The following ATP2B4 variants were observed in gnomAD, a reference collection of about 807,000 sequenced individuals.
ATP2B4 encodes the protein ATPase plasma membrane Ca2+ transporting 4, also known as plasma membrane calcium-transporting ATPase 4.
In ATP2B4, 39 loss-of-function variants were observed where a neutral mutation model predicts 110.3. The ratio of observed to expected loss-of-function variants is 0.35; its 90% CI spans 0.27 to 0.46. The LOEUF (loss-of-function observed/expected upper bound fraction) is 0.46. Among genes scored for constraint, ATP2B4 ranks in the 20% least tolerant of loss-of-function variants. The pLI is 1.00. For synonymous variants in ATP2B4, 538 were observed against 571.7 expected (o/e 0.94, Z 0.84); for missense variants, 1,135 against 1,530.9 (o/e 0.74, Z 4.32).
intron 20 of ATP2B4, chr1:203,733,106 T>C: frequency 2.1e-6 from 2 of 963,684 alleles, no homozygotes; most frequent in East Asian, 5.2e-5. Flanking sequence ...CCTGTCCCCT[T>C]TTCCCATCTA....
chr1:203,630,910 G>T (rs1386087838), intron 1 of ATP2B4, among the ~76,000 whole-genome samples: 3 of 152,234 alleles, frequency 2.0e-5, no homozygotes, highest in Non-Finnish European at 4.4e-5. Context: ...TGCTTGTGTG[G>T]AATGTTTTGC....
At chr1:203,638,632 C>T (rs1397857729) in intron 1 of ATP2B4, among the ~76,000 whole-genome samples, 1 of 152,104 alleles carries the variant, frequency 6.6e-6, no homozygotes. Context: ...GGGGTACAGC[C>T]TAGTTCTCCC....
At chr1:203,643,494 C>G (rs1663693906) in intron 1 of ATP2B4, among the ~76,000 whole-genome samples, 1 of 152,220 alleles carries the variant, frequency 6.6e-6, no homozygotes, top group African/African-American at 2.4e-5. Flanking sequence ...CTGCTTTTCC[C>G]AGCACACACC....
chr1:203,700,845 G>C lies in ATP2B4; in HGVS notation c.823G>C (p.Gly275Arg). 1 of 1,613,444 alleles carries C rather than the reference G, an allele frequency of 6.2e-7. No individual in the cohort carries two copies. The highest frequency in any genetic ancestry group is 8.5e-7 in the Non-Finnish European group (1 of 1,179,736). Residue 275 changes from glycine (G) to arginine (R), a missense_variant, in exon 6 of 21, where the codon GGT becomes CGT. Coordinates refer to ENST00000357681, the MANE Select transcript of ATP2B4 (RefSeq NM_001684.5). ...TGGCCGGATGGTGGTGACAGCTGTT[G>C]GTGTCAACTCTCAGACTGGAATCAT... ...GSGRMVVTAV[G>R]VNSQTGIILT... is the part of the protein sequence containing the mutation.
intron 2 of ATP2B4, among the ~76,000 whole-genome samples, chr1:203,688,003 T>G (rs1365157421): frequency 0.026 from 3,574 of 137,638 alleles, 57 homozygotes; most frequent in African/African-American, 0.04. Context: ...AGATTATTAT[T>G]ATTATTATTA....
rs1323354370 is a variant in ATP2B4, at chr1:203,715,842, T to C, written c.2406+1565T>C. On this transcript the variant is annotated intron_variant, in intron 15 of 20. Transcript: ENST00000357681. ...TACATCTGTTAAGTCTCTTAACCTA[T>C]CTCTTGGAGTGCGCCTCCTTCCAGC... Among the ~76,000 whole-genome samples, 2 of 144,348 alleles carry C rather than the reference T, an allele frequency of 1.4e-5. 1 individual carries two copies. Among genetic ancestry groups the C allele is most frequent in the African/African-American group, 5.1e-5 (2 of 39,462 alleles). The allele number at this position is 144,348 out of a possible 152,430, so 94.7% of individuals were successfully genotyped here. A position where few individuals can be genotyped will look rare whatever the true frequency, so the allele number is the denominator to read the frequency against.
At chr1:203,656,972 C>A in intron 1 of ATP2B4, 1 of 708,878 alleles carries the variant, frequency 1.4e-6, no homozygotes. Context: ...TGCTGTCAAA[C>A]CAGTAAGACT....
chr1:203,644,677 A>G (rs183866833), intron 1 of ATP2B4, among the ~76,000 whole-genome samples: 250 of 152,288 alleles, frequency 1.6e-3, no homozygotes, highest in Admixed American at 4.0e-3. Context: ...TAAAAGTAAG[A>G]TCTCACTGCT....
At chr1:203,720,416 G>A (rs1034339676) in intron 15 of ATP2B4, 133 bp from the exon 16 acceptor site, 1 of 845,202 alleles carries the variant, frequency 1.2e-6, no homozygotes, top group Non-Finnish European at 1.7e-6. Context: ...TGACACATTT[G>A]CTCTTTGTTT....
At chr1:203,727,365 C>G (rs16852224) in intron 19 of ATP2B4, 30 bp from the exon 20 acceptor site, 1 of 1,610,898 alleles carries the variant, frequency 6.2e-7, no homozygotes. Flanking sequence ...CTGATTCTGA[C>G]GTCTTCCTCT....
At chr1:203,646,502 G>A (rs371289609) in intron 1 of ATP2B4, among the ~76,000 whole-genome samples, 19 of 152,260 alleles carry the variant, frequency 1.2e-4, no homozygotes, top group East Asian at 5.8e-4. Flanking sequence ...AGTGGCTCAC[G>A]CCTGTAATCC....
In ATP2B4 at chr1:203,710,926, A is replaced by G; in HGVS notation, c.1849A>G (p.Lys617Glu). 1.2e-6 allele frequency: 2 copies of G among 1,614,164 alleles called. No individual in the cohort carries two copies. The highest frequency in any genetic ancestry group is 2.2e-5 in the South Asian group (2 of 91,072). The part of the protein sequence containing the change: ...RKGEAVPFKN[K>E]DRDDMVRTVI... ...AGGGGAAGCAGTGCCATTCAAGAAT[A>G]AAGACAGAGATGATATGGTACGCAC... Residue 617 changes from lysine to glutamate, a missense_variant, in exon 12 of 21, where the codon AAA (lysine) becomes GAA (glutamate). By Grantham distance (56) the Lys-to-Glu change is moderately conservative. This residue lies in a region of ATP2B4 where 368 missense variants were observed against 455.9 expected (regional missense o/e 0.81). Coordinates refer to ENST00000357681, the MANE Select transcript of ATP2B4 (RefSeq NM_001684.5).
intron 1 of ATP2B4, among the ~76,000 whole-genome samples, chr1:203,647,342 G>A (rs898181612): frequency 4.6e-5 from 7 of 152,122 alleles, no homozygotes; most frequent in Admixed American, 2.0e-4. Flanking sequence ...AGACTGAGGC[G>A]GGAGGATCCC....
chr1:203,627,853 T>C (rs1173528602), intron 1 of ATP2B4, among the ~76,000 whole-genome samples: 2 of 152,058 alleles, frequency 1.3e-5, no homozygotes, highest in African/African-American at 2.4e-5. Context: ...CCTCAGCAGT[T>C]TCTCTGTGCT....
chr1:203,692,160 G>A (rs920538162), intron 2 of ATP2B4, among the ~76,000 whole-genome samples: 94 of 151,896 alleles, frequency 6.2e-4, no homozygotes, highest in African/African-American at 2.2e-3. Flanking sequence ...GATTGCAGGC[G>A]TGAGCCACCA....
At chr1:203,736,216 G>A (rs1460074248) in intron 20 of ATP2B4, among the ~76,000 whole-genome samples, 9 of 152,148 alleles carry the variant, frequency 5.9e-5, no homozygotes, top group Admixed American at 1.3e-4. Context: ...TGTAATCCCA[G>A]CACTTTGGGA....
chr1:203,701,583 G>A (rs1274449533), intron 6 of ATP2B4, among the ~76,000 whole-genome samples: 2 of 152,232 alleles, frequency 1.3e-5, no homozygotes, highest in Non-Finnish European at 2.9e-5. Flanking sequence ...GACAGTTTAT[G>A]AAAAGGAAAC....
chr1:203,723,783 T>A, intron 18 of ATP2B4, 98 bp from the exon 19 acceptor site: 2 of 916,532 alleles, frequency 2.2e-6, no homozygotes, highest in East Asian at 5.3e-5. Context: ...CCAAGGATCC[T>A]GAGGAGTGGG....
chr1:203,641,095 C>T (rs562775268), intron 1 of ATP2B4, among the ~76,000 whole-genome samples: 1 of 152,236 alleles, frequency 6.6e-6, no homozygotes, highest in South Asian at 2.1e-4. Flanking sequence ...GAAGTGTAGC[C>T]CCTCTGTGAG....
Sources: gnomAD v4.1 joint callset for allele counts (sites outside exome capture counted in the v4.1 genomes callset) on GRCh38, gnomAD v4.1.1 for gene constraint, gnomAD v4.1.1 regional missense constraint, MANE v1.5 for transcripts, NCBI Gene and HGNC (gene_info 2026-07-23, HGNC 2026-07-21) for gene names.